LMX1B: variants seen among roughly 807,000 people sequenced by gnomAD.
LMX1B encodes LIM homeobox transcription factor 1 beta.
LMX1B carries 12 observed loss-of-function variants against 51.4 expected under a neutral mutation model. The ratio of observed to expected loss-of-function variants is 0.23; its 90% CI spans 0.15 to 0.38. LMX1B has a LOEUF of 0.38. Ranked by LOEUF, LMX1B falls within the 10% of genes least tolerant of loss-of-function variation. The pLI is 1.00. For synonymous variants in LMX1B, 237 were observed against 235.4 expected (o/e 1.01, Z -0.06); for missense variants, 445 against 571.1 (o/e 0.78, Z 2.25).
intron 5 of LMX1B, 55 bp from the exon 6 acceptor site, chr9:126,693,691 T>G (rs2030225749): frequency 6.3e-7 from 1 of 1,585,896 alleles, no homozygotes; most frequent in Admixed American, 1.8e-5. Context: ...GGCGTGGGGC[T>G]GGCTGTGCCT....
chr9:126,656,006 A>C (rs1267773020), intron 2 of LMX1B, among the ~76,000 whole-genome samples: 2 of 152,190 alleles, frequency 1.3e-5, no homozygotes, highest in Non-Finnish European at 2.9e-5. Context: ...GTACGGGGGA[A>C]GTATGTCAAA....
Position 126,614,274 on chromosome 9 carries a change from G to A in LMX1B, c.-176G>A, listed in dbSNP as rs1173458579. Among the ~76,000 whole-genome samples, 1 of 145,374 alleles carries A rather than the reference G, an allele frequency of 6.9e-6. No homozygotes were observed. The highest frequency in any genetic ancestry group is 1.5e-5 in the Non-Finnish European group (1 of 65,484). On this transcript the variant is annotated 5_prime_UTR_variant, in exon 1 of 8. Transcript: ENST00000373474. The stretch of plus-strand genomic sequence containing the variant: ...TGCAGCCGCCCCGGCCCGCCCGCAC[G>A]ACGCCGGGGCCCGGGGCCAGCGCGT...
chr9:126,616,716 A>C (rs1007576819), intron 2 of LMX1B, among the ~76,000 whole-genome samples: 1 of 152,164 alleles, frequency 6.6e-6, no homozygotes, highest in Admixed American at 6.5e-5. Flanking sequence ...AGTGCAACCT[A>C]CCTGTTCTGC....
chr9:126,671,558 C>T lies in LMX1B; in HGVS notation c.327-19278C>T, dbSNP rs1002611371. ...CAAGAGCCCACTCCAGCCGGTATCCCGAGAGGCCGCAAAAACACAGACACC... is the reference window on the plus strand; with the variant it reads ...CAAGAGCCCACTCCAGCCGGTATCCTGAGAGGCCGCAAAAACACAGACACC... On this transcript the variant is annotated intron_variant, in intron 2 of 7. Coordinates refer to ENST00000373474, the MANE Select transcript of LMX1B (RefSeq NM_001174147.2). This position sits in a 1 kb window ranked among gnomAD's most constrained non-coding sequence, Gnocchi z 4.4. Among the ~76,000 whole-genome samples, 1 of 152,224 alleles carries T rather than the reference C, an allele frequency of 6.6e-6. No homozygotes were observed. Among genetic ancestry groups the T allele is most frequent in the African/African-American group, 2.4e-5 (1 of 41,458 alleles).
chr9:126,653,992 G>T (rs1411051355), intron 2 of LMX1B, among the ~76,000 whole-genome samples: 1 of 152,040 alleles, frequency 6.6e-6, no homozygotes, highest in South Asian at 2.1e-4. Context: ...CAGCTCCCAG[G>T]CTTGGTCTTG....
At chr9:126,668,710 T>C (rs1419694666) in intron 2 of LMX1B, among the ~76,000 whole-genome samples, 1 of 152,066 alleles carries the variant, frequency 6.6e-6, no homozygotes, top group Non-Finnish European at 1.5e-5. Context: ...CACCTCAGCC[T>C]CCCAAAGTGC....
At chr9:126,622,800 G>A (rs1320552518) in intron 2 of LMX1B, among the ~76,000 whole-genome samples, 4 of 152,230 alleles carry the variant, frequency 2.6e-5, no homozygotes, top group African/African-American at 9.6e-5. Flanking sequence ...TTTTCTCAAA[G>A]GAAGAGCAAG....
chr9:126,623,835 G>A (rs1835465785), intron 2 of LMX1B, among the ~76,000 whole-genome samples: 1 of 152,218 alleles, frequency 6.6e-6, no homozygotes, highest in African/African-American at 2.4e-5. Context: ...TCCCCTGGGC[G>A]GGAGAGCTTC....
At chr9:126,667,121 G>T (rs770987728) in intron 2 of LMX1B, among the ~76,000 whole-genome samples, 1 of 152,156 alleles carries the variant, frequency 6.6e-6, no homozygotes, top group Non-Finnish European at 1.5e-5. Context: ...TCCCAGAGGC[G>T]GTCAGTTGAC....
At chr9:126,635,616 G>A (rs527978837) in intron 2 of LMX1B, among the ~76,000 whole-genome samples, 1 of 152,178 alleles carries the variant, frequency 6.6e-6, no homozygotes, top group South Asian at 2.1e-4. Flanking sequence ...CTGTAAAATT[G>A]TTATTCTAAA....
rs1435511489 is a variant in LMX1B at position 126,693,293 on chromosome 9, C to T, written c.711C>T (p.Ser237=). The T allele has an allele frequency of 6.2e-7, 1 of 1,608,594 alleles. No homozygotes were observed. The change falls in exon 4 of 8, where the codon TCC becomes TCT. Residue 237 remains serine, a synonymous_variant. Coordinates refer to ENST00000373474, the MANE Select transcript of LMX1B (RefSeq NM_001174147.2). ...AGCAGCGAAGAGCCTTCAAGGCCTCCTTCGAGGTCTCGTCGAAGCCTTGCC... is the reference window on the plus strand; with the variant it reads ...AGCAGCGAAGAGCCTTCAAGGCCTCTTTCGAGGTCTCGTCGAAGCCTTGCC... ...TTQQRRAFKA[S]FEVSSKPCRK...
At chr9:126,686,192 A>G (rs997250949) in intron 2 of LMX1B, among the ~76,000 whole-genome samples, 4 of 151,294 alleles carry the variant, frequency 2.6e-5, no homozygotes, top group South Asian at 2.1e-4. Flanking sequence ...AGGCAGGAGA[A>G]CAGCGTGAAC....
At chr9:126,662,580 C>T (rs542221590) in intron 2 of LMX1B, among the ~76,000 whole-genome samples, 82 of 152,328 alleles carry the variant, frequency 5.4e-4, no homozygotes, top group South Asian at 2.3e-3. Context: ...GAGGCTCCCA[C>T]GCCCTGCCCT....
At chr9:126,650,821 C>A (rs890515850) in intron 2 of LMX1B, among the ~76,000 whole-genome samples, 2 of 152,186 alleles carry the variant, frequency 1.3e-5, no homozygotes, top group African/African-American at 4.8e-5. Flanking sequence ...GGAAACTGCT[C>A]GCCATACCTA....
At chr9:126,614,760 C>T (rs1217691859) in intron 1 of LMX1B, among the ~76,000 whole-genome samples, 172 bp downstream of exon 1, 1 of 152,120 alleles carries the variant, frequency 6.6e-6, no homozygotes, top group Non-Finnish European at 1.5e-5. Flanking sequence ...AGTACGCCTC[C>T]GGCAGGCGTC....
intron 2 of LMX1B, among the ~76,000 whole-genome samples, chr9:126,630,944 C>T (rs373928178): frequency 3.9e-5 from 6 of 152,368 alleles, no homozygotes; most frequent in African/African-American, 9.6e-5. Context: ...TTTGAAGGGA[C>T]GGCTGTCTGA....
intron 2 of LMX1B, among the ~76,000 whole-genome samples, chr9:126,669,393 G>A (rs1422350195): frequency 6.6e-6 from 1 of 152,164 alleles, no homozygotes; most frequent in African/African-American, 2.4e-5. Flanking sequence ...TGCCCTCTCT[G>A]CCTGGGCCTC....
At chr9:126,679,385 T>G (rs555374303) in intron 2 of LMX1B, among the ~76,000 whole-genome samples, 3 of 151,750 alleles carry the variant, frequency 2.0e-5, no homozygotes, top group East Asian at 1.9e-4. Context: ...GGTAGCTGGT[T>G]GAGAGGGTGG....
At chr9:126,656,575 G>A (rs1836121790) in intron 2 of LMX1B, among the ~76,000 whole-genome samples, 1 of 152,322 alleles carries the variant, frequency 6.6e-6, no homozygotes, top group South Asian at 2.1e-4. Context: ...ATGCCTCAGG[G>A]AACTCTTGGG....
Sources: gnomAD v4.1 joint callset for allele counts (sites outside exome capture counted in the v4.1 genomes callset) on GRCh38, gnomAD v4.1.1 for gene constraint, Gnocchi (gnomAD v3.1) non-coding constraint, MANE v1.5 for transcripts, NCBI Gene and HGNC (gene_info 2026-07-23, HGNC 2026-07-21) for gene names.